Variants in LAMTOR5 observed in about 807,000 individuals in gnomAD.
LAMTOR5 encodes the protein late endosomal/lysosomal adaptor, MAPK and MTOR activator 5.
LAMTOR5 carries 8 observed loss-of-function variants against 12.1 expected under a neutral mutation model. That is an observed-to-expected ratio of 0.66 (90% CI 0.39 to 1.19). LAMTOR5 has a LOEUF of 1.19. Ranked by LOEUF, LAMTOR5 falls within the 50% of genes most tolerant of loss-of-function variation. The pLI is 0.01. For synonymous variants in LAMTOR5, 37 were observed against 41.9 expected (o/e 0.88, Z 0.45); for missense variants, 110 against 112.8 (o/e 0.97, Z 0.11).
rs780078391 is a variant in LAMTOR5 at position 110,407,179 on chromosome 1, G to A, written c.35+407C>T. ...TGATTTTTATCTACTTAAGCACCAAGTAACTGATAGGTTACACACAGGAGA... is the reference window on the plus strand; with the variant it reads ...TGATTTTTATCTACTTAAGCACCAAATAACTGATAGGTTACACACAGGAGA... On this transcript the variant is annotated intron_variant, in intron 1 of 3. Transcript: ENST00000602318. 1.6e-4 allele frequency: 94 copies of A among 597,030 alleles called. 2 individuals are homozygous for A. The highest frequency in any genetic ancestry group is 1.9e-4 in the Non-Finnish European group (62 of 331,976). The allele number at this position is 597,030 out of a possible 1,614,324, so 37.0% of individuals were successfully genotyped here.
At chr1:110,402,628 T>C (rs904647149) in intron 3 of LAMTOR5, among the ~76,000 whole-genome samples, 3 of 152,170 alleles carry the variant, frequency 2.0e-5, no homozygotes, top group Non-Finnish European at 2.9e-5. Context: ...ACAGGTCCTT[T>C]AGGAGGTATT....
chr1:110,405,079 C>A (rs1663301319), intron 2 of LAMTOR5, among the ~76,000 whole-genome samples: 1 of 151,930 alleles, frequency 6.6e-6, no homozygotes, highest in South Asian at 2.1e-4. Context: ...ATTAAGAGGC[C>A]TCAGGGCCAG....
At chr1:110,402,888 T>C (rs575188918) in intron 3 of LAMTOR5, among the ~76,000 whole-genome samples, 1 of 152,372 alleles carries the variant, frequency 6.6e-6, no homozygotes, top group East Asian at 1.9e-4. Context: ...CAAAAAGTTT[T>C]ATTGACTCAC....
chr1:110,407,377 G>C, intron 1 of LAMTOR5: 1 of 652,224 alleles, frequency 1.5e-6, no homozygotes, highest in Non-Finnish European at 2.6e-6. Context: ...GCTCAAGAGG[G>C]AATGTGCGGT....
intron 1 of LAMTOR5, 59 bp from the exon 2 acceptor site, chr1:110,406,438 A>C (rs1663331182): frequency 9.1e-6 from 11 of 1,202,598 alleles, no homozygotes; most frequent in Non-Finnish European, 1.2e-5. Context: ...GATTTAAATA[A>C]GTACAAACAT....
intron 1 of LAMTOR5, chr1:110,407,348 G>A (rs1030541372): frequency 8.2e-6 from 5 of 607,656 alleles, no homozygotes; most frequent in South Asian, 2.1e-5. Context: ...TTGGCCCGTG[G>A]CCTGGGCCCG....
rs756721666 is a variant in LAMTOR5 at position 110,401,560 on chromosome 1, T to A, written c.239A>T (p.Asp80Val). 8 of 1,607,514 alleles carry A rather than the reference T, an allele frequency of 5.0e-6. No homozygotes were observed. Among genetic ancestry groups the A allele is most frequent in the Non-Finnish European group, 6.8e-6 (8 of 1,174,484 alleles). The change falls in exon 4 of 4, where the codon GAT becomes GTT. Residue 80 changes from aspartate to valine, a missense_variant. Transcript: ENST00000602318. ...TTTGTGCACTGCCACCGTGATGCCA[T>A]CGTGTTTCTGGATCATAATGTTCCT... ...DNGNIMIQKH[D>V]GITVAVHKMA...
rs1425610010 is a variant in LAMTOR5 at position 110,403,946 on chromosome 1, G to T, written c.188C>A (p.Pro63His). ...AKLTSDPTDI[P>H]VVCLESDNGN... ...ATTATCTGATTCTAGACACACCACA[G>T]GAATATCAGTGGGGTCAGAGGTTAG... Residue 63 changes from proline to histidine, a missense_variant, in exon 3 of 4, where the codon CCT becomes CAT. Pro to His is a moderately conservative substitution (Grantham distance 77, BLOSUM62 -2). Transcript: ENST00000602318. 1 of 1,614,040 alleles carries T rather than the reference G, an allele frequency of 6.2e-7. No homozygotes were observed. The highest frequency in any genetic ancestry group is 1.3e-5 in the African/African-American group (1 of 74,918).
chr1:110,401,501 T>A lies in LAMTOR5; in HGVS notation c.*22A>T. ...GTAGGATCCAGTTCCTATGACAGGC[T>A]GCTGAAGAACAGATATGAGCATCAA... On this transcript the variant is annotated 3_prime_UTR_variant, in exon 4 of 4. Transcript: ENST00000602318. 2 of 1,595,782 alleles carry A rather than the reference T, an allele frequency of 1.3e-6. No homozygotes were observed. The highest frequency in any genetic ancestry group is 1.7e-6 in the Non-Finnish European group (2 of 1,165,158).
rs572065236 is a variant in LAMTOR5, at chr1:110,406,314, T to C, written c.97+4A>G. The C allele has an allele frequency of 6.3e-7, 1 of 1,595,532 alleles. No individual in the cohort carries two copies. Among genetic ancestry groups the C allele is most frequent in the Non-Finnish European group, 8.6e-7 (1 of 1,168,244 alleles). ...ATCAAATAGTTGGTATGAGAGATAC[T>C]TACAACCCAGATTAAGTCCTTGTGA... On this transcript the variant is annotated splice_donor_region_variant and intron_variant, in intron 2 of 3. Coordinates refer to ENST00000602318, the MANE Select transcript of LAMTOR5 (RefSeq NM_001382293.1).
chr1:110,407,660 G>T lies in LAMTOR5; in HGVS notation c.-40C>A, dbSNP rs143658007. The T allele has an allele frequency of 2.2e-5, 36 of 1,614,072 alleles. No individual in the cohort carries two copies. The highest frequency in any genetic ancestry group is 3.1e-5 in the Non-Finnish European group (36 of 1,180,034). ...ACTCCGGCTCAGAACCCAGCGGCAC[G>T]GCACGTCCTTCTCCACCACAGGCCT... is the stretch of plus-strand genomic sequence containing the variant. On this transcript the variant is annotated 5_prime_UTR_variant, in exon 1 of 4. Transcript: ENST00000602318.
intron 1 of LAMTOR5, 128 bp downstream of exon 1, chr1:110,407,458 C>T (rs1369667469): frequency 1.6e-6 from 2 of 1,219,014 alleles, no homozygotes; most frequent in Admixed American, 5.0e-5. Context: ...GCCCCCTCAT[C>T]CCGTGTCCCG....
chr1:110,407,654 C>A lies in LAMTOR5; in HGVS notation c.-34G>T. ...CCGACCACTCCGGCTCAGAACCCAG[C>A]GGCACGGCACGTCCTTCTCCACCAC... is the stretch of plus-strand genomic sequence containing the variant. On this transcript the variant is annotated 5_prime_UTR_variant, in exon 1 of 4. Coordinates refer to ENST00000602318, the MANE Select transcript of LAMTOR5 (RefSeq NM_001382293.1). 6.2e-7 allele frequency: 1 copy of A among 1,614,156 alleles called. No individual in the cohort carries two copies. Among genetic ancestry groups the A allele is most frequent in the African/African-American group, 1.3e-5 (1 of 74,996 alleles).
At chr1:110,402,319 C>A (rs986860161) in intron 3 of LAMTOR5, among the ~76,000 whole-genome samples, 2 of 152,238 alleles carry the variant, frequency 1.3e-5, no homozygotes, top group Non-Finnish European at 2.9e-5. Flanking sequence ...GGCGTGATCT[C>A]AGCTCACTGC....
At chr1:110,405,200 A>G (rs981075353) in intron 2 of LAMTOR5, among the ~76,000 whole-genome samples, 4 of 151,840 alleles carry the variant, frequency 2.6e-5, no homozygotes, top group African/African-American at 9.7e-5. Context: ...CGCTCTTGTC[A>G]TCCAGGCTGG....
chr1:110,407,655 G>T lies in LAMTOR5; in HGVS notation c.-35C>A. The stretch of plus-strand genomic sequence containing the variant: ...CGACCACTCCGGCTCAGAACCCAGC[G>T]GCACGGCACGTCCTTCTCCACCACA... On this transcript the variant is annotated 5_prime_UTR_variant, in exon 1 of 4. Coordinates refer to ENST00000602318, the MANE Select transcript of LAMTOR5 (RefSeq NM_001382293.1). 1 of 1,614,052 alleles carries T rather than the reference G, an allele frequency of 6.2e-7. No individual in the cohort carries two copies.
intron 1 of LAMTOR5, chr1:110,406,729 C>T (rs536481400): frequency 3.2e-4 from 97 of 302,006 alleles, no homozygotes; most frequent in Non-Finnish European, 5.4e-4. Flanking sequence ...GAGGCTGAGG[C>T]AAGAGAATCG....
At chr1:110,406,829 A>G in intron 1 of LAMTOR5, 2 of 435,586 alleles carry the variant, frequency 4.6e-6, no homozygotes, top group East Asian at 3.5e-5. Context: ...TCTCAAAAAA[A>G]GAACACAAAA....
chr1:110,404,551 T>C (rs1663289986), intron 2 of LAMTOR5, among the ~76,000 whole-genome samples: 1 of 152,210 alleles, frequency 6.6e-6, no homozygotes, highest in African/African-American at 2.4e-5. Flanking sequence ...CCTCTTTCAG[T>C]TACCCTTCCA....
Sources: gnomAD v4.1 joint callset for allele counts (sites outside exome capture counted in the v4.1 genomes callset) on GRCh38, gnomAD v4.1.1 for gene constraint, MANE v1.5 for transcripts, NCBI Gene and HGNC (gene_info 2026-07-23, HGNC 2026-07-21) for gene names.